The following MROH1 variants were observed in gnomAD, a reference collection of about 807,000 sequenced individuals.
The protein encoded by MROH1 is maestro heat-like repeat-containing protein family member 1.
A neutral mutation model predicts 116.5 loss-of-function variants in MROH1; 117 were observed. The ratio of observed to expected loss-of-function variants is 1.00; its 90% CI spans 0.86 to 1.17. The LOEUF is 1.17. Among genes scored for constraint, MROH1 ranks in the 50% most tolerant of loss-of-function variants. The probability of loss-of-function intolerance (pLI) is 0.00; values close to 1 mark genes in which losing one functional copy is unlikely to be tolerated. For synonymous variants in MROH1, 921 were observed against 583.9 expected, an observed-to-expected ratio of 1.58 and a Z score of -8.32; for missense variants, 1,873 against 1,338.5, an observed-to-expected ratio of 1.40 and a Z score of -6.23.
chr8:144,183,814 A>C (rs1826283090), intron 7 of MROH1, among the ~76,000 whole-genome samples: 1 of 151,632 alleles, frequency 6.6e-6, no homozygotes, highest in African/African-American at 2.4e-5. Flanking sequence ...CGCCTGGCTA[A>C]TTTTTTGTAT....
rs1199262726 is a variant in MROH1, at chr8:144,247,420, C to T, written c.2991C>T (p.Leu997=). The T allele has an allele frequency of 1.3e-5, 10 of 771,042 alleles. No homozygotes were observed. The highest frequency in any genetic ancestry group is 1.0e-4 in the African/African-American group (6 of 58,930). 47.8% of individuals were successfully genotyped at this position (771,042 alleles called of 1,614,324 possible). A position where few individuals can be genotyped will look rare whatever the true frequency, so the allele number is the denominator to read the frequency against. ...AVDCVYSLLY[L]QLGYEGFSRD... ...ACTGTGTCTACTCCCTGCTGTACCTCCAGCTCGGCTATGAGGGTGAGCCCT... is the reference window on the plus strand; with the variant it reads ...ACTGTGTCTACTCCCTGCTGTACCTTCAGCTCGGCTATGAGGGTGAGCCCT... The change falls in exon 30 of 44, where the codon CTC becomes CTT. Residue 997 remains leucine, a synonymous_variant. Transcript: ENST00000326134.
intron 9 of MROH1, among the ~76,000 whole-genome samples, 168 bp from the exon 10 acceptor site, chr8:144,192,141 C>T (rs1170535245): frequency 6.6e-6 from 1 of 152,202 alleles, no homozygotes; most frequent in African/African-American, 2.4e-5. Context: ...CTCCCTGGCT[C>T]TGAGTTCTAG....
chr8:144,224,654 C>T (rs886565994), intron 14 of MROH1, among the ~76,000 whole-genome samples: 2 of 152,184 alleles, frequency 1.3e-5, no homozygotes, highest in Admixed American at 6.5e-5. Flanking sequence ...TTCAGTGTAT[C>T]GACCTTTCTA....
rs1587942174 is a variant in MROH1 at position 144,180,346 on chromosome 8, T to G, written c.463+6T>G. 6.2e-7 allele frequency: 1 copy of G among 1,606,400 alleles called. No homozygotes were observed. The highest frequency in any genetic ancestry group is 8.5e-7 in the Non-Finnish European group (1 of 1,178,836). On this transcript the variant is annotated splice_donor_region_variant and intron_variant, in intron 6 of 43. Coordinates refer to ENST00000326134, the MANE Select transcript of MROH1 (RefSeq NM_032450.3). This position sits in a 1 kb window ranked among gnomAD's most constrained non-coding sequence, Gnocchi z 7.4. ...CAGCCTCTCGGTGGCCAACGGTAGG[T>G]GACGCGCGGCCTGCCCCAGGAGGAG... is the stretch of plus-strand genomic sequence containing the variant.
At chr8:144,199,275 A>G (rs997009652) in intron 11 of MROH1, 75 bp downstream of exon 11, 11 of 1,465,596 alleles carry the variant, frequency 7.5e-6, no homozygotes, top group Non-Finnish European at 1.0e-5. Flanking sequence ...TATGTGGAGG[A>G]TGGTGGTGGC....
rs1016525431 is a variant in MROH1 at position 144,182,517 on chromosome 8, G to A, written c.562+1994G>A. Among the ~76,000 whole-genome samples, 28 of 152,214 alleles carry A rather than the reference G, an allele frequency of 1.8e-4. No individual in the cohort carries two copies. The highest frequency in any genetic ancestry group is 6.7e-4 in the African/African-American group (28 of 41,510). ...GGCATCATGCATTCACGGGACAAGA[G>A]GTGTCACCATGGAGAAGCCACATTG... is the stretch of plus-strand genomic sequence containing the variant. On this transcript the variant is annotated intron_variant, in intron 7 of 43. Coordinates refer to ENST00000326134, the MANE Select transcript of MROH1 (RefSeq NM_032450.3). This position sits in a 1 kb window ranked among gnomAD's most constrained non-coding sequence, Gnocchi z 4.1.
At chr8:144,165,223 T>C (rs541731133) in intron 3 of MROH1, among the ~76,000 whole-genome samples, 31 of 151,884 alleles carry the variant, frequency 2.0e-4, no homozygotes, top group Non-Finnish European at 3.5e-4. Context: ...ATTCAAGTGA[T>C]TCTCCCTGCC....
At chr8:144,254,731 C>T (rs1843397587) in intron 33 of MROH1, 82 bp from the exon 34 acceptor site, 1 of 688,136 alleles carries the variant, frequency 1.5e-6, no homozygotes, top group African/African-American at 1.8e-5. Flanking sequence ...GTCGTGGAGC[C>T]AGGGTCCACG....
At chr8:144,261,471 C>G (rs1045103425) in intron 43 of MROH1, 122 bp downstream of exon 43, 133 of 695,430 alleles carry the variant, frequency 1.9e-4, no homozygotes, top group Non-Finnish European at 3.0e-4. Flanking sequence ...CTCATCGTCT[C>G]TAGTAATTCA....
intron 10 of MROH1, among the ~76,000 whole-genome samples, chr8:144,194,357 C>A (rs551416418): frequency 2.4e-4 from 37 of 152,350 alleles, no homozygotes; most frequent in Admixed American, 9.2e-4. Context: ...GCCACTGTGC[C>A]TGGCCTAAAA....
chr8:144,257,106 G>C (rs1844011975), intron 35 of MROH1, among the ~76,000 whole-genome samples: 1 of 152,210 alleles, frequency 6.6e-6, no homozygotes. Flanking sequence ...TGCAGTGACT[G>C]GTGTGGCTCT....
chr8:144,172,631 G>A (rs754878854), intron 4 of MROH1, among the ~76,000 whole-genome samples: 7 of 151,988 alleles, frequency 4.6e-5, no homozygotes, highest in East Asian at 1.9e-4. Context: ...GGCAGGTCTC[G>A]AACTCCTGAC....
chr8:144,154,665 CTT>C (rs1224999167), intron 1 of MROH1, among the ~76,000 whole-genome samples: 31 of 133,772 alleles, frequency 2.3e-4, no homozygotes, highest in African/African-American at 1.6e-4. Flanking sequence ...AATACTGCAT[CTT>C]TTTTTTTTTT....
intron 14 of MROH1, among the ~76,000 whole-genome samples, chr8:144,233,331 C>T (rs915479632): frequency 2.0e-5 from 3 of 148,886 alleles, no homozygotes; most frequent in Admixed American, 6.7e-5. Context: ...CCATTCCCTC[C>T]CCCGCAGCTC....
At chr8:144,249,364 C>G (rs1842455134) in intron 32 of MROH1, among the ~76,000 whole-genome samples, 1 of 152,154 alleles carries the variant, frequency 6.6e-6, no homozygotes, top group Non-Finnish European at 1.5e-5. Flanking sequence ...TTCCCTTAGC[C>G]CACAGGGTGT....
At chr8:144,175,482 C>T in intron 4 of MROH1, 1 of 985,276 alleles carries the variant, frequency 1.0e-6, no homozygotes, top group Non-Finnish European at 1.2e-6. Context: ...CAATTCTTTC[C>T]TCCCCAGTTC....
At chr8:144,178,675 C>G (rs1824745411) in intron 4 of MROH1, among the ~76,000 whole-genome samples, 1 of 152,120 alleles carries the variant, frequency 6.6e-6, no homozygotes, top group Non-Finnish European at 1.5e-5. Context: ...AGGCTGCTCT[C>G]AGGGTGGTGG....
chr8:144,173,805 C>T (rs1474190114), intron 4 of MROH1, among the ~76,000 whole-genome samples: 2 of 152,216 alleles, frequency 1.3e-5, no homozygotes, highest in Admixed American at 6.5e-5. Flanking sequence ...CGTGCCTCAA[C>T]TTGCCTACAT....
At chr8:144,192,907 G>T (rs933767787) in intron 10 of MROH1, 23 of 309,350 alleles carry the variant, frequency 7.4e-5, no homozygotes, top group African/African-American at 5.1e-4. Context: ...GCAGGTGCCG[G>T]GTCACCCGTG....
Sources: allele counts gnomAD v4.1 joint callset (sites outside exome capture counted in the v4.1 genomes callset), GRCh38; gene constraint gnomAD v4.1.1; non-coding constraint Gnocchi (gnomAD v3.1); transcripts MANE v1.5; gene names NCBI Gene and HGNC (gene_info 2026-07-23, HGNC 2026-07-21).